ARFGEF1: variants seen among roughly 807,000 people sequenced by gnomAD.
ARFGEF1 encodes ARF guanine nucleotide exchange factor 1.
Under a neutral mutation model 231.0 loss-of-function variants are expected in ARFGEF1, and 42 were observed. The ratio of observed to expected loss-of-function variants is 0.18; its 90% confidence interval spans 0.14 to 0.24. The LOEUF is 0.24. ARFGEF1 is among the 10% of genes least tolerant of loss of function. ARFGEF1 has a pLI of 1.00. For missense variants in ARFGEF1, 1,345 were observed against 2,192.0 expected (o/e 0.61, Z 7.72); for synonymous variants, 710 against 732.3 (o/e 0.97, Z 0.49).
intron 1 of ARFGEF1, among the ~76,000 whole-genome samples, chr8:67,329,932 CCAT>C (rs1808022429): frequency 6.6e-6 from 1 of 151,582 alleles, no homozygotes; most frequent in Non-Finnish European, 1.5e-5. Context: ...TTGGTAGAAA[CCAT>C]TTAGGGGAGT....
chr8:67,192,201 A>C (rs568946625), intron 5 of ARFGEF1, among the ~76,000 whole-genome samples: 1 of 151,436 alleles, frequency 6.6e-6, no homozygotes, highest in Non-Finnish European at 1.5e-5. Flanking sequence ...CAGCCTCCCA[A>C]GTAGCTGGGA....
At position 67,266,864 on chromosome 8, in the gene ARFGEF1, A is replaced by G. The variant is rs1804874003; in HGVS notation, c.1921+12T>C. ...AAATGACAAAGAATTACAGCTCAAA[A>G]TATCACCTTACCAAGAGTTGTCTGG... On this transcript the variant is annotated intron_variant, in intron 13 of 38. Coordinates refer to ENST00000262215, the MANE Select transcript of ARFGEF1 (RefSeq NM_006421.5). 1 of 1,601,092 alleles carries G rather than the reference A, an allele frequency of 6.2e-7. No individual in the cohort carries two copies. Among genetic ancestry groups the G allele is most frequent in the African/African-American group, 1.3e-5 (1 of 74,654 alleles).
downstream of ARFGEF1, chr8:67,174,721 T>TGC (rs1831197025): frequency 6.6e-6 from 1 of 150,490 alleles, no homozygotes; most frequent in Non-Finnish European, 1.5e-5. Flanking sequence ...GCCAAGACCG[T>TGC]GCCACTGCAC....
intron 3 of ARFGEF1, among the ~76,000 whole-genome samples, chr8:67,300,249 T>C (rs73258626): frequency 0.027 from 4,187 of 152,296 alleles, 129 homozygotes; most frequent in African/African-American, 0.076. Context: ...ATCTTTAACC[T>C]ATCCTTAAGG....
At chr8:67,300,660 C>CA (rs200434355) in intron 3 of ARFGEF1, among the ~76,000 whole-genome samples, 1,815 of 88,506 alleles carry the variant, frequency 0.021, 97 homozygotes, top group South Asian at 0.029. Context: ...CTTGTCTCTT[C>CA]AAAAAAAAAA....
At chr8:67,260,489 T>G (rs1804570871) in intron 14 of ARFGEF1, among the ~76,000 whole-genome samples, 1 of 152,200 alleles carries the variant, frequency 6.6e-6, no homozygotes, top group Non-Finnish European at 1.5e-5. Context: ...CTGTGATCAG[T>G]GACCTTTGAT....
chr8:67,307,656 G>A (rs1257723067), intron 1 of ARFGEF1, among the ~76,000 whole-genome samples: 2 of 152,192 alleles, frequency 1.3e-5, no homozygotes, highest in African/African-American at 4.8e-5. Flanking sequence ...TTAAGTAACT[G>A]TGGGATATTC....
chr8:67,338,703 A>G (rs1808459924), intron 1 of ARFGEF1, among the ~76,000 whole-genome samples: 2 of 152,254 alleles, frequency 1.3e-5, no homozygotes, highest in Non-Finnish European at 2.9e-5. Flanking sequence ...AAATACAAAT[A>G]GGATCAATCT....
intron 15 of ARFGEF1, among the ~76,000 whole-genome samples, chr8:67,258,701 A>G (rs1840543483): frequency 6.6e-6 from 1 of 152,174 alleles, no homozygotes; most frequent in African/African-American, 2.4e-5. Context: ...AGATCCGCAG[A>G]CTTTTGATTA....
Position 67,240,313 on chromosome 8 carries a change from TTTAA to T in ARFGEF1, c.2851-27_2851-24del, listed in dbSNP as rs369198926. The T allele has an allele frequency of 1.0e-3, 1,619 of 1,575,854 alleles. 22 individuals are homozygous for T. In the African/African-American group the frequency reaches 0.02, roughly 19 times the overall value. On this transcript the variant is annotated intron_variant, in intron 19 of 38. Transcript: ENST00000262215. ...CAACTACAAAAATTAAAAATTGTAT[TTTAA>T]TTAAAGATTATGATAACACATTAAA...
At chr8:67,324,943 C>T (rs1003191711) in intron 1 of ARFGEF1, among the ~76,000 whole-genome samples, 2 of 146,590 alleles carry the variant, frequency 1.4e-5, no homozygotes, top group South Asian at 4.3e-4. Flanking sequence ...GACAGAGTTT[C>T]ACTCTTATTG....
At chr8:67,222,188 T>TGC (rs1554636809) in intron 29 of ARFGEF1, among the ~76,000 whole-genome samples, 4 of 136,180 alleles carry the variant, frequency 2.9e-5, no homozygotes, top group African/African-American at 1.2e-4. Context: ...TACACATATA[T>TGC]ATATATATAT....
Position 67,261,510 on chromosome 8 carries a change from T to C in ARFGEF1, c.2124-1584A>G, listed in dbSNP as rs1804619217. Among the ~76,000 whole-genome samples the C allele has an allele frequency of 2.6e-5, 4 of 152,370 alleles. No individual in the cohort carries two copies. In the South Asian group the frequency reaches 8.3e-4, roughly 32 times the overall value. ...AGATGACTGAATATTTGAAGCCCAC[T>C]GTTGAGATCTACTGCTTCAAAGAGA... On this transcript the variant is annotated intron_variant, in intron 14 of 38. Coordinates refer to ENST00000262215, the MANE Select transcript of ARFGEF1 (RefSeq NM_006421.5).
intron 1 of ARFGEF1, among the ~76,000 whole-genome samples, chr8:67,319,924 A>G (rs1807500891): frequency 6.6e-6 from 1 of 152,100 alleles, no homozygotes; most frequent in Non-Finnish European, 1.5e-5. Flanking sequence ...AAATAAACAT[A>G]AAAAAAGATG....
At chr8:67,306,018 C>G (rs1806727134) in intron 1 of ARFGEF1, among the ~76,000 whole-genome samples, 1 of 152,156 alleles carries the variant, frequency 6.6e-6, no homozygotes, top group Non-Finnish European at 1.5e-5. Flanking sequence ...AAGATTCTTT[C>G]TTACTACAAA....
At chr8:67,283,847 GGA>G (rs1218029123) in intron 7 of ARFGEF1, among the ~76,000 whole-genome samples, 3 of 152,130 alleles carry the variant, frequency 2.0e-5, no homozygotes, top group Admixed American at 6.6e-5. Context: ...TACCAGCTGT[GGA>G]GAGAAAGGCA....
intron 7 of ARFGEF1, among the ~76,000 whole-genome samples, chr8:67,281,745 G>A (rs1164657095): frequency 1.3e-5 from 2 of 151,958 alleles, no homozygotes; most frequent in Non-Finnish European, 2.9e-5. Flanking sequence ...CCAAATAGGA[G>A]ATAAATATGG....
chr8:67,222,264 TATG>T (rs1839221436), intron 29 of ARFGEF1, among the ~76,000 whole-genome samples: 2 of 142,558 alleles, frequency 1.4e-5, no homozygotes, highest in Admixed American at 1.4e-4. Context: ...TGTATGTATG[TATG>T]TATTTTTTTT....
chr8:67,206,752 G>A (rs1222371422), intron 34 of ARFGEF1, among the ~76,000 whole-genome samples: 1 of 152,204 alleles, frequency 6.6e-6, no homozygotes, highest in Non-Finnish European at 1.5e-5. Context: ...GATTCTCAGG[G>A]GCAGCTTTGG....
Sources: gnomAD v4.1 joint callset for allele counts (sites outside exome capture counted in the v4.1 genomes callset) on GRCh38, gnomAD v4.1.1 for gene constraint, MANE v1.5 for transcripts, NCBI Gene and HGNC (gene_info 2026-07-23, HGNC 2026-07-21) for gene names.